The following FRMD3 variants were observed in gnomAD, a reference collection of about 807,000 sequenced individuals.
The protein encoded by FRMD3 is FERM domain-containing protein 3.
In FRMD3, 33 loss-of-function variants were observed where a neutral mutation model predicts 70.2. The ratio of observed to expected loss-of-function variants is 0.47; its 90% CI spans 0.36 to 0.63. The LOEUF is 0.63. Ranked by LOEUF, FRMD3 falls within the 20% of genes least tolerant of loss-of-function variation. FRMD3 has a pLI of 0.00. For missense variants in FRMD3, 632 were observed against 711.4 expected (o/e 0.89, Z 1.27); for synonymous variants, 279 against 255.9 (o/e 1.09, Z -0.86).
At chr9:83,450,819 G>A (rs973195599) in intron 1 of FRMD3, among the ~76,000 whole-genome samples, 9 of 152,196 alleles carry the variant, frequency 5.9e-5, no homozygotes, top group Non-Finnish European at 5.9e-5. Context: ...CGGGGACACC[G>A]AGGGCCTGCA....
chr9:83,333,253 G>T (rs1823452837), intron 6 of FRMD3, among the ~76,000 whole-genome samples: 1 of 152,162 alleles, frequency 6.6e-6, no homozygotes, highest in South Asian at 2.1e-4. Flanking sequence ...TTCCTGACAG[G>T]TTCATCCTTC....
chr9:83,385,180 C>T (rs1160663216), intron 2 of FRMD3, among the ~76,000 whole-genome samples: 1 of 79,788 alleles, frequency 1.3e-5, no homozygotes, highest in Non-Finnish European at 2.6e-5. Context: ...AAAGAATATA[C>T]TGGAGTAAAA....
At chr9:83,415,284 G>A (rs977875835) in intron 1 of FRMD3, among the ~76,000 whole-genome samples, 1 of 152,172 alleles carries the variant, frequency 6.6e-6, no homozygotes, top group Non-Finnish European at 1.5e-5. Flanking sequence ...GCCATCTGGG[G>A]CAGAGAAGGC....
chr9:83,538,202 T>C lies in FRMD3; in HGVS notation c.30A>G (p.Arg10=), dbSNP rs752834944. Residue 10 remains arginine, a synonymous_variant, in exon 1 of 14, where the codon AGA becomes AGG. Transcript: ENST00000304195. This position sits in a 1 kb window ranked among gnomAD's most constrained non-coding sequence, Gnocchi z 4.7. Reference sequence around the variant, plus strand: ...GGATCATTTTCATGGTCCTCCTGCCTCTCGGCACACAGTGGCAGGAGGCGA... The same window carrying C: ...GGATCATTTTCATGGTCCTCCTGCCCCTCGGCACACAGTGGCAGGAGGCGA... MFASCHCVP[R]GRRTMKMIHF... 6.9e-6 allele frequency: 11 copies of C among 1,594,184 alleles called. No individual in the cohort carries two copies. In the African/African-American group the frequency reaches 8.0e-5, roughly 12 times the overall value.
At chr9:83,360,275 T>G (rs190745782) in intron 3 of FRMD3, among the ~76,000 whole-genome samples, 1 of 152,166 alleles carries the variant, frequency 6.6e-6, no homozygotes, top group Non-Finnish European at 1.5e-5. Flanking sequence ...TATGTAGAAA[T>G]AACAACTGTA....
the FRMD3 span, among the ~76,000 whole-genome samples, chr9:83,578,334 C>G: frequency 6.6e-6 from 1 of 151,802 alleles, no homozygotes; most frequent in Non-Finnish European, 1.5e-5. Flanking sequence ...TTTTATGAGG[C>G]CAGCATTACC....
intron 12 of FRMD3, among the ~76,000 whole-genome samples, chr9:83,292,157 A>G (rs1471434491): frequency 8.4e-6 from 1 of 118,526 alleles, no homozygotes; most frequent in Admixed American, 1.2e-4. Context: ...TACATTAATA[A>G]ATACTTTTTT....
chr9:83,538,371 G>T lies in FRMD3; in HGVS notation c.-140C>A. ...GACATCGGCAGCGTCGGGCGCCTGC[G>T]GACACACATGCCCAGCGGCCGGGGC... is the stretch of plus-strand genomic sequence containing the variant. On this transcript the variant is annotated 5_prime_UTR_variant, in exon 1 of 14. Coordinates refer to ENST00000304195, the MANE Select transcript of FRMD3 (RefSeq NM_174938.6). This position sits in a 1 kb window ranked among gnomAD's most constrained non-coding sequence, Gnocchi z 4.7. The T allele has an allele frequency of 2.8e-5, 19 of 683,406 alleles. No individual in the cohort carries two copies. Among genetic ancestry groups the T allele is most frequent in the Non-Finnish European group, 3.7e-5 (18 of 487,872 alleles). 42.3% of individuals were successfully genotyped at this position (683,406 alleles called of 1,614,324 possible). A position where few individuals can be genotyped will look rare whatever the true frequency, so the allele number is the denominator to read the frequency against.
intron 1 of FRMD3, among the ~76,000 whole-genome samples, chr9:83,414,351 G>A (rs1485508272): frequency 6.6e-6 from 1 of 152,000 alleles, no homozygotes; most frequent in African/African-American, 2.4e-5. Flanking sequence ...ATAGATCATC[G>A]ACATCAATGT....
intron 1 of FRMD3, among the ~76,000 whole-genome samples, chr9:83,393,002 T>C (rs1175072104): frequency 1.3e-5 from 2 of 152,234 alleles, no homozygotes; most frequent in South Asian, 2.1e-4. Context: ...ATTTAATACA[T>C]GTGAAAAGTA....
chr9:83,436,777 A>AG (rs201604734), intron 1 of FRMD3, among the ~76,000 whole-genome samples: 1 of 80,764 alleles, frequency 1.2e-5, no homozygotes, highest in African/African-American at 4.9e-5. Flanking sequence ...ACCTGGACCA[A>AG]GGGGAAAAAA....
In FRMD3 at chr9:83,313,633, T is replaced by C. The variant is rs199779386; in HGVS notation, c.684+27A>G. 342 of 1,563,636 alleles carry C rather than the reference T, an allele frequency of 2.2e-4. 3 individuals carry two copies. In the African/African-American group the frequency reaches 3.6e-3, roughly 16 times the overall value. On this transcript the variant is annotated intron_variant, in intron 7 of 13. Coordinates refer to ENST00000304195, the MANE Select transcript of FRMD3 (RefSeq NM_174938.6). ...TCTTTTGGGCAAAACAACCATTATA[T>C]GGTGACCTGCTGTGAGGGGCAGTTA...
At chr9:83,371,673 A>C (rs867679589) in intron 3 of FRMD3, among the ~76,000 whole-genome samples, 1 of 152,122 alleles carries the variant, frequency 6.6e-6, no homozygotes, top group Non-Finnish European at 1.5e-5. Context: ...ATTCTGCTCC[A>C]GCCCCACCCC....
intron 13 of FRMD3, among the ~76,000 whole-genome samples, chr9:83,261,043 T>TA (rs1832961897): frequency 1.3e-5 from 2 of 150,634 alleles, no homozygotes; most frequent in East Asian, 2.0e-4. Context: ...TTCATTCTAT[T>TA]AAAAACCTAT....
chr9:83,369,995 T>C (rs1325377403), intron 3 of FRMD3, among the ~76,000 whole-genome samples: 1 of 152,250 alleles, frequency 6.6e-6, no homozygotes, highest in Non-Finnish European at 1.5e-5. Flanking sequence ...TTAATCAGGA[T>C]AGCTGACCTT....
At chr9:83,353,844 T>C (rs1372772866) in intron 3 of FRMD3, among the ~76,000 whole-genome samples, 1 of 152,234 alleles carries the variant, frequency 6.6e-6, no homozygotes, top group Non-Finnish European at 1.5e-5. Flanking sequence ...CAATGATCTA[T>C]TGTTATAGGT....
chr9:83,397,947 G>A (rs999188144), intron 1 of FRMD3, among the ~76,000 whole-genome samples: 4 of 152,148 alleles, frequency 2.6e-5, no homozygotes, highest in African/African-American at 9.7e-5. Context: ...CATTTCTCTG[G>A]TGAATTAAGG....
chr9:83,289,932 C>T (rs1834353683), intron 13 of FRMD3, among the ~76,000 whole-genome samples: 1 of 152,136 alleles, frequency 6.6e-6, no homozygotes, highest in African/African-American at 2.4e-5. Flanking sequence ...CCTAGAAACA[C>T]ACATATTATT....
At chr9:83,485,656 T>A (rs2131486512) in intron 1 of FRMD3, among the ~76,000 whole-genome samples, 1 of 152,246 alleles carries the variant, frequency 6.6e-6, no homozygotes, top group African/African-American at 2.4e-5. Flanking sequence ...TTTCCAGGAT[T>A]CCCATGACCC....
Sources: gnomAD v4.1 joint callset for allele counts (sites outside exome capture counted in the v4.1 genomes callset) on GRCh38, gnomAD v4.1.1 for gene constraint, Gnocchi (gnomAD v3.1) non-coding constraint, MANE v1.5 for transcripts, NCBI Gene and HGNC (gene_info 2026-07-23, HGNC 2026-07-21) for gene names.